Variants in CHST11 observed in about 807,000 individuals in gnomAD.
CHST11 encodes carbohydrate sulfotransferase 11, also known as C4S-1.
A neutral mutation model predicts 30.4 loss-of-function variants in CHST11; 9 were observed. The ratio of observed to expected loss-of-function variants is 0.30; its 90% confidence interval spans 0.18 to 0.52. CHST11 has a LOEUF of 0.52. Ranked by LOEUF, CHST11 falls within the 20% of genes least tolerant of loss-of-function variation. CHST11 has a pLI of 0.97. For missense variants in CHST11, 348 were observed against 460.6 expected, an observed-to-expected ratio of 0.76 and a Z score of 2.24; for synonymous variants, 152 against 187.8, an observed-to-expected ratio of 0.81 and a Z score of 1.56.
At chr12:104,747,686 A>G (rs1358741145) in intron 2 of CHST11, among the ~76,000 whole-genome samples, 1 of 152,144 alleles carries the variant, frequency 6.6e-6, no homozygotes, top group Non-Finnish European at 1.5e-5. Flanking sequence ...AAGTGGAGAA[A>G]CTGAGGCTAG....
chr12:104,757,182 C>T lies in CHST11; in HGVS notation c.438C>T (p.Asp146=), dbSNP rs1038953179. The T allele has an allele frequency of 6.2e-7, 1 of 1,614,124 alleles. No individual in the cohort carries two copies. Among genetic ancestry groups the T allele is most frequent in the Non-Finnish European group, 8.5e-7 (1 of 1,180,030 alleles). Residue 146 remains aspartate, a synonymous_variant, in exon 3 of 3, where the codon GAC becomes GAT. Coordinates refer to ENST00000303694, the MANE Select transcript of CHST11 (RefSeq NM_018413.6). This position sits in a 1 kb window ranked among gnomAD's most constrained non-coding sequence, Gnocchi z 6.5. The part of the protein sequence containing the change: ...MVLTGRGKYS[D]PMEIPANEAH... The stretch of plus-strand genomic sequence containing the variant: ...TGACCGGGCGGGGGAAGTACAGCGA[C>T]CCCATGGAGATCCCGGCCAACGAGG...
At chr12:104,538,507 C>G (rs1042892059) in intron 1 of CHST11, among the ~76,000 whole-genome samples, 10 of 152,186 alleles carry the variant, frequency 6.6e-5, no homozygotes, top group Admixed American at 4.6e-4. Flanking sequence ...GGGAGAGAGT[C>G]ATTATACGCA....
At chr12:104,490,597 A>G (rs1174597446) in intron 1 of CHST11, among the ~76,000 whole-genome samples, 1 of 152,236 alleles carries the variant, frequency 6.6e-6, no homozygotes, top group African/African-American at 2.4e-5. Context: ...GTTCAACAAA[A>G]GCAAGAGAGA....
chr12:104,601,052 T>G (rs1484472623), intron 1 of CHST11, among the ~76,000 whole-genome samples: 1 of 148,238 alleles, frequency 6.7e-6, no homozygotes, highest in African/African-American at 2.5e-5. Flanking sequence ...TCTCTACTGC[T>G]CTCTTTCCTT....
chr12:104,490,529 C>T (rs1411099954), intron 1 of CHST11, among the ~76,000 whole-genome samples: 1 of 152,204 alleles, frequency 6.6e-6, no homozygotes, highest in Admixed American at 6.5e-5. Flanking sequence ...GCATTTTGCC[C>T]TGAGCTTACA....
rs2040511221 is a variant in CHST11 at position 104,760,065 on chromosome 12, G to A, written c.*2262G>A. ...CTGCAAGGACTTTTCAGCCTTCAAT[G>A]TGTGCTGTGCATGGTGAATCCCCAA... On this transcript the variant is annotated 3_prime_UTR_variant, in exon 3 of 3. Transcript: ENST00000303694. The A allele has an allele frequency of 1.3e-5, 2 of 152,130 alleles. No homozygotes were observed. The highest frequency in any genetic ancestry group is 2.9e-5 in the Non-Finnish European group (2 of 68,030). The allele number at this position is 152,130 out of a possible 1,614,324, so 9.4% of individuals were successfully genotyped here.
intron 2 of CHST11, among the ~76,000 whole-genome samples, chr12:104,618,225 T>C (rs1209436157): frequency 2.7e-4 from 15 of 54,686 alleles, no homozygotes; most frequent in East Asian, 1.1e-3. Flanking sequence ...TTTTCTTTTC[T>C]TTTTTTTTTT....
At chr12:104,625,856 G>A (rs529341481) in intron 2 of CHST11, among the ~76,000 whole-genome samples, 84 of 152,278 alleles carry the variant, frequency 5.5e-4, no homozygotes, top group African/African-American at 2.0e-3. Flanking sequence ...TTTGAACCCT[G>A]CTAATTTAGA....
rs913443275 is a variant in CHST11, at chr12:104,760,689, A to G, written c.*2886A>G. 2.6e-5 allele frequency: 4 copies of G among 152,214 alleles called. No individual in the cohort carries two copies. The highest frequency in any genetic ancestry group is 9.7e-5 in the African/African-American group (4 of 41,446). The allele number at this position is 152,214 out of a possible 1,614,324, so 9.4% of individuals were successfully genotyped here. On this transcript the variant is annotated 3_prime_UTR_variant, in exon 3 of 3. Coordinates refer to ENST00000303694, the MANE Select transcript of CHST11 (RefSeq NM_018413.6). ...CTGGCTTCTCTCTCTTAAGTGAGAA[A>G]GATTGTCCTTCAGGGGACATGACAT...
intron 1 of CHST11, among the ~76,000 whole-genome samples, chr12:104,551,351 A>G (rs1428047042): frequency 1.3e-5 from 2 of 152,148 alleles, no homozygotes; most frequent in African/African-American, 2.4e-5. Flanking sequence ...TGACAGCATC[A>G]TTCCACCAGG....
intron 2 of CHST11, among the ~76,000 whole-genome samples, chr12:104,620,790 CAA>C (rs1449139596): frequency 6.6e-6 from 1 of 151,846 alleles, no homozygotes; most frequent in Admixed American, 6.6e-5. Flanking sequence ...TAACACAAAA[CAA>C]AACAAAAATG....
At position 104,457,518 on chromosome 12, in the gene CHST11, T is replaced by C; in HGVS notation, c.107T>C (p.Met36Thr). 2 of 1,611,890 alleles carry C rather than the reference T, an allele frequency of 1.2e-6. No homozygotes were observed. The highest frequency in any genetic ancestry group is 1.1e-5 in the South Asian group (1 of 91,048). The stretch of plus-strand genomic sequence containing the variant: ...CTGGTCATCTTCTATTTCCAAAGTA[T>C]GTTGCACCCAGGTAGGGGGCGCGTT... ...FILVIFYFQS[M>T]LHPVMRRNPF... is the part of the protein sequence containing the mutation. Residue 36 changes from methionine (M) to threonine (T), a missense_variant, in exon 1 of 3, where the codon ATG (methionine) becomes ACG (threonine). Coordinates refer to ENST00000303694, the MANE Select transcript of CHST11 (RefSeq NM_018413.6).
chr12:104,616,275 A>T (rs970909101), intron 2 of CHST11, among the ~76,000 whole-genome samples: 3 of 152,192 alleles, frequency 2.0e-5, no homozygotes, highest in African/African-American at 4.8e-5. Flanking sequence ...AAGGAAATTT[A>T]AAAAATTGCA....
intron 1 of CHST11, among the ~76,000 whole-genome samples, chr12:104,499,048 G>T (rs915814839): frequency 3.9e-5 from 6 of 152,100 alleles, no homozygotes; most frequent in Admixed American, 2.0e-4. Context: ...TCCTCCCATG[G>T]CTGGTTTAAT....
At chr12:104,578,172 C>G (rs993835435) in intron 1 of CHST11, among the ~76,000 whole-genome samples, 3 of 152,244 alleles carry the variant, frequency 2.0e-5, no homozygotes, top group Admixed American at 6.5e-5. Flanking sequence ...CAAGACCCAG[C>G]AACAGGGGGT....
At chr12:104,567,329 A>G (rs77056614) in intron 1 of CHST11, among the ~76,000 whole-genome samples, 1 of 152,236 alleles carries the variant, frequency 6.6e-6, no homozygotes, top group African/African-American at 2.4e-5. Context: ...GCCTGCTTCA[A>G]TCAGATCTGG....
chr12:104,630,975 C>T (rs919382239), intron 2 of CHST11, among the ~76,000 whole-genome samples: 1 of 152,144 alleles, frequency 6.6e-6, no homozygotes, highest in African/African-American at 2.4e-5. Flanking sequence ...CTAGTGAGAC[C>T]CCTAATAACG....
At chr12:104,702,703 C>T (rs2039999537) in intron 2 of CHST11, among the ~76,000 whole-genome samples, 1 of 152,200 alleles carries the variant, frequency 6.6e-6, no homozygotes, top group Non-Finnish European at 1.5e-5. Context: ...TTCCCAGATT[C>T]CACCCTGCCC....
At chr12:104,636,419 A>G (rs2039323677) in intron 2 of CHST11, among the ~76,000 whole-genome samples, 1 of 152,268 alleles carries the variant, frequency 6.6e-6, no homozygotes, top group South Asian at 2.1e-4. Flanking sequence ...TCTGTTCTCC[A>G]TGTTCTCTCC....
Sources: gnomAD v4.1 joint callset for allele counts (sites outside exome capture counted in the v4.1 genomes callset) on GRCh38, gnomAD v4.1.1 for gene constraint, Gnocchi (gnomAD v3.1) non-coding constraint, MANE v1.5 for transcripts, NCBI Gene and HGNC (gene_info 2026-07-23, HGNC 2026-07-21) for gene names.